TSPAN1: variants seen among roughly 807,000 people sequenced by gnomAD.
TSPAN1 encodes tetraspanin-1.
TSPAN1 carries 23 observed loss-of-function variants against 26.9 expected under a neutral mutation model. That is an observed-to-expected ratio of 0.85 (90% CI 0.62 to 1.21). The LOEUF (loss-of-function observed/expected upper bound fraction) is 1.21. Among genes scored for constraint, TSPAN1 ranks in the 50% most tolerant of loss-of-function variants. The pLI, the probability that TSPAN1 is intolerant of heterozygous loss-of-function variation, is 0.00. For synonymous variants in TSPAN1, 115 were observed against 114.8 expected (o/e 1.00, Z -0.01); for missense variants, 283 against 298.4 (o/e 0.95, Z 0.38).
the TSPAN1 span, chr1:46,195,506 A>G: frequency 4.6e-6 from 2 of 434,156 alleles, no homozygotes; most frequent in Non-Finnish European, 8.6e-6. Context: ...ATCATTTACT[A>G]GCATTATCCA....
At position 46,184,349 on chromosome 1, in the gene TSPAN1, C is replaced by T; in HGVS notation, c.216C>T (p.Phe72=). The part of the protein sequence containing the change: ...AAGVVVFALG[F]LGCYGAKTES... Reference sequence around the variant, plus strand: ...GCGTTGTGGTCTTTGCTCTTGGTTTCCTGGGCTGCTATGGTGCTAAGACTG... The same window carrying T: ...GCGTTGTGGTCTTTGCTCTTGGTTTTCTGGGCTGCTATGGTGCTAAGACTG... The change falls in exon 4 of 9, where the codon TTC becomes TTT. Residue 72 remains phenylalanine, a synonymous_variant. Transcript: ENST00000372003. 6.2e-7 allele frequency: 1 copy of T among 1,614,184 alleles called. No individual in the cohort carries two copies. The highest frequency in any genetic ancestry group is 8.5e-7 in the Non-Finnish European group (1 of 1,180,032).
the TSPAN1 span, chr1:46,194,381 C>T: frequency 1.3e-4 from 206 of 1,614,224 alleles, no homozygotes; most frequent in Non-Finnish European, 1.7e-4. Flanking sequence ...AGCTCTGTGT[C>T]TGCCCAGTGG....
downstream of TSPAN1, chr1:46,189,458 G>C (rs200471699): frequency 9.9e-6 from 16 of 1,613,574 alleles, no homozygotes; most frequent in Non-Finnish European, 1.4e-5. Context: ...GGTCACTCAC[G>C]AGTAGGGGGA....
At chr1:46,189,872 G>C, downstream of TSPAN1, 1 of 1,613,930 alleles carries the variant, frequency 6.2e-7, no homozygotes, top group South Asian at 1.1e-5. Context: ...GCTGGGTCCA[G>C]GTGGTGAAGT....
the TSPAN1 span, chr1:46,196,084 A>C: frequency 6.2e-7 from 1 of 1,613,812 alleles, no homozygotes; most frequent in Non-Finnish European, 8.5e-7. The surrounding 1 kb of genome is among the most constrained non-coding windows in gnomAD (Gnocchi z 4.4). Flanking sequence ...GCACCTACAC[A>C]GTGGCAGAGA....
At chr1:46,190,889 C>T (rs373872291), downstream of TSPAN1, 1 of 1,049,544 alleles carries the variant, frequency 9.5e-7, no homozygotes, top group East Asian at 2.4e-5. Flanking sequence ...AGTCCTAGAC[C>T]TGTAAAGAGC....
In TSPAN1 at chr1:46,180,584, C is replaced by T. The variant is rs1317193128; in HGVS notation, c.-83C>T. 6.5e-6 allele frequency: 1 copy of T among 152,868 alleles called. No individual in the cohort carries two copies. Among genetic ancestry groups the T allele is most frequent in the Non-Finnish European group, 1.5e-5 (1 of 68,530 alleles). 9.5% of individuals were successfully genotyped at this position (152,868 alleles called of 1,614,324 possible). On this transcript the variant is annotated 5_prime_UTR_variant, in exon 2 of 9. Coordinates refer to ENST00000372003, the MANE Select transcript of TSPAN1 (RefSeq NM_005727.4). ...CTGCCTGCCCACTCAGTGGCAACAC[C>T]CGGGAGCTGTTTTGTCCTTTGTGGA...
At chr1:46,180,219 A>C (rs1657283531) in intron 1 of TSPAN1, among the ~76,000 whole-genome samples, 1 of 152,280 alleles carries the variant, frequency 6.6e-6, no homozygotes, top group African/African-American at 2.4e-5. Flanking sequence ...GCATGTGAGC[A>C]TGAGCACAGA....
intron 3 of TSPAN1, among the ~76,000 whole-genome samples, chr1:46,181,413 A>G: frequency 6.6e-6 from 1 of 152,216 alleles, no homozygotes; most frequent in East Asian, 1.9e-4. Context: ...CTCTCCTACA[A>G]AGCTTTAGCC....
At chr1:46,194,665 G>A in the TSPAN1 span, 1 of 1,614,270 alleles carries the variant, frequency 6.2e-7, no homozygotes, top group Non-Finnish European at 8.5e-7. Context: ...GCAGGAGGCA[G>A]GAATGAGGGC....
At chr1:46,194,271 C>T in the TSPAN1 span, 2 of 1,614,094 alleles carry the variant, frequency 1.2e-6, no homozygotes, top group African/African-American at 2.7e-5. Context: ...AGGCCCCACT[C>T]ACTGGGTCAG....
chr1:46,189,481 C>T (rs1168602477), downstream of TSPAN1: 1 of 1,613,656 alleles, frequency 6.2e-7, no homozygotes, highest in Non-Finnish European at 8.5e-7. Context: ...CCGGGACCCC[C>T]ACCATCAGGA....
intron 3 of TSPAN1, among the ~76,000 whole-genome samples, chr1:46,182,741 G>C (rs1657342111): frequency 6.6e-6 from 1 of 152,164 alleles, no homozygotes; most frequent in Non-Finnish European, 1.5e-5. Flanking sequence ...AGACTCTCTA[G>C]TTCTGATGTG....
downstream of TSPAN1, among the ~76,000 whole-genome samples, chr1:46,188,232 A>G (rs1329663876): frequency 1.3e-5 from 2 of 152,080 alleles, no homozygotes; most frequent in Non-Finnish European, 2.9e-5. Flanking sequence ...CTACATCTCC[A>G]TCTGCACCCT....
At chr1:46,190,694 C>T (rs2275711), downstream of TSPAN1, 6 of 1,599,266 alleles carry the variant, frequency 3.8e-6, no homozygotes, top group East Asian at 1.3e-4. Flanking sequence ...TAGATATCCA[C>T]CCCTTGCCCT....
chr1:46,193,067 T>C, the TSPAN1 span: 9 of 1,604,238 alleles, frequency 5.6e-6, no homozygotes, highest in East Asian at 6.7e-5. Context: ...TTTCCAGATG[T>C]GAAGGATGAG....
At chr1:46,176,443 G>A in intron 1 of TSPAN1, 1 of 1,535,766 alleles carries the variant, frequency 6.5e-7, no homozygotes, top group South Asian at 1.2e-5. Context: ...CTGGGGCCGA[G>A]GGCCACGGAC....
At chr1:46,190,083 GC>G, downstream of TSPAN1, 1 of 1,287,170 alleles carries the variant, frequency 7.8e-7, no homozygotes, top group Non-Finnish European at 1.1e-6. Flanking sequence ...CTCTGCTGTT[GC>G]CACCTTGAAG....
chr1:46,190,096 T>TA, downstream of TSPAN1: 855 of 1,174,558 alleles, frequency 7.3e-4, no homozygotes, highest in Middle Eastern at 1.7e-3. Flanking sequence ...ACCTTGAAGT[T>TA]CTTTTTTTTT....
Sources: allele counts gnomAD v4.1 joint callset (sites outside exome capture counted in the v4.1 genomes callset), GRCh38; gene constraint gnomAD v4.1.1; non-coding constraint Gnocchi (gnomAD v3.1); transcripts MANE v1.5; gene names NCBI Gene and HGNC (gene_info 2026-07-23, HGNC 2026-07-21).